ACAP3: variants seen among roughly 807,000 people sequenced by gnomAD.
ACAP3 encodes the protein arf-GAP with coiled-coil, ANK repeat and PH domain-containing protein 3.
ACAP3 carries 56 observed loss-of-function variants against 104.1 expected under a neutral mutation model. That is an observed-to-expected ratio of 0.54 (90% CI 0.43 to 0.67). The LOEUF (loss-of-function observed/expected upper bound fraction) is 0.67. ACAP3 is among the 30% of genes least tolerant of loss of function. The pLI is 0.00. For synonymous variants in ACAP3, 628 were observed against 496.2 expected, an observed-to-expected ratio of 1.27 and a Z score of -3.53; for missense variants, 1,208 against 1,174.9, an observed-to-expected ratio of 1.03 and a Z score of -0.41.
At chr1:1,296,955 C>T (rs1252981929) in intron 14 of ACAP3, among the ~76,000 whole-genome samples, 1 of 152,242 alleles carries the variant, frequency 6.6e-6, no homozygotes, top group Non-Finnish European at 1.5e-5. Context: ...ACGTGCACAC[C>T]CTCACATGGG....
In ACAP3 at chr1:1,295,877, G is replaced by A; in HGVS notation, c.1564C>T (p.Pro522Ser). 1.2e-6 allele frequency: 2 copies of A among 1,611,942 alleles called. No homozygotes were observed. Among genetic ancestry groups the A allele is most frequent in the East Asian group, 2.2e-5 (1 of 44,886 alleles). The change falls in exon 18 of 24, where the codon CCC becomes TCC. Residue 522 changes from proline (P) to serine (S), a missense_variant. Physicochemically the swap from Pro to Ser is moderately conservative, Grantham distance 74. Coordinates refer to ENST00000354700, the MANE Select transcript of ACAP3 (RefSeq NM_030649.3). ...YVEKKFLRKAPMAPALEAPRR... is the reference protein window; with the variant it reads ...YVEKKFLRKASMAPALEAPRR... ...GGGGCCTCCAGGGCTGGTGCCATGGGCGCCTTCCGCAGAAACTTCTTTTCC... is the reference window on the plus strand; with the variant it reads ...GGGGCCTCCAGGGCTGGTGCCATGGACGCCTTCCGCAGAAACTTCTTTTCC...
intron 14 of ACAP3, among the ~76,000 whole-genome samples, 198 bp from the exon 15 acceptor site, chr1:1,296,831 G>A (rs1018093365): frequency 2.9e-4 from 42 of 143,086 alleles, no homozygotes; most frequent in African/African-American, 1.0e-3. Flanking sequence ...ACGCACACAC[G>A]CGCACACCCT....
rs1281188809 is a variant in ACAP3 at position 1,294,129 on chromosome 1, C to T, written c.2210G>A (p.Arg737Gln). The T allele has an allele frequency of 1.9e-6, 3 of 1,591,310 alleles. No individual in the cohort carries two copies. Among genetic ancestry groups the T allele is most frequent in the Admixed American group, 1.7e-5 (1 of 57,358 alleles). ...ADVNQRDSRG[R>Q]APLHHATLLG... is the part of the protein sequence containing the mutation. Reference sequence around the variant, plus strand: ...CAGCGTGGCGTGGTGCAGGGGCGCCCGGCCCCGGCTGTCTCTTTGGTTCAC... The same window carrying T: ...CAGCGTGGCGTGGTGCAGGGGCGCCTGGCCCCGGCTGTCTCTTTGGTTCAC... Residue 737 changes from arginine to glutamine, a missense_variant, in exon 22 of 24, where the codon CGG (arginine) becomes CAG (glutamine). Physicochemically the swap from Arg to Gln is conservative, Grantham distance 43 (BLOSUM62 1). Coordinates refer to ENST00000354700, the MANE Select transcript of ACAP3 (RefSeq NM_030649.3).
Position 1,296,341 on chromosome 1 carries a change from C to A in ACAP3, c.1338-61G>T, listed in dbSNP as rs1641150119. Reference sequence around the variant, plus strand: ...CAAGGCCCCCAGCTCCGGCCCAACCCCCACCCCCGGCCTGGCCCTCAGGGG... The same window carrying A: ...CAAGGCCCCCAGCTCCGGCCCAACCACCACCCCCGGCCTGGCCCTCAGGGG... On this transcript the variant is annotated intron_variant, in intron 15 of 23. Coordinates refer to ENST00000354700, the MANE Select transcript of ACAP3 (RefSeq NM_030649.3). The A allele has an allele frequency of 1.9e-6, 3 of 1,548,862 alleles. No homozygotes were observed. The South Asian group carries it at 3.6e-5, about 18-fold the overall frequency.
chr1:1,299,403 GACGGCTGCCA>G, intron 9 of ACAP3, 47 bp from the exon 10 acceptor site: 1 of 1,497,896 alleles, frequency 6.7e-7, no homozygotes, highest in South Asian at 1.3e-5. Flanking sequence ...GCCAGTGAGT[GACGGCTGCCA>G]ACTCCTGGTG....
In ACAP3 at chr1:1,294,204, G is replaced by A. The variant is rs1284369457; in HGVS notation, c.2140-5C>T. The A allele has an allele frequency of 2.5e-6, 4 of 1,578,298 alleles. No individual in the cohort carries two copies. Among genetic ancestry groups the A allele is most frequent in the South Asian group, 2.3e-5 (2 of 87,044 alleles). ...CTCACAGACGATCAAGGAGCCCTGG[G>A]GAGCCGGGGCAACTCAGACGGAGCC... is the stretch of plus-strand genomic sequence containing the variant. On this transcript the variant is annotated splice_polypyrimidine_tract_variant and splice_region_variant and intron_variant, in intron 21 of 23. Coordinates refer to ENST00000354700, the MANE Select transcript of ACAP3 (RefSeq NM_030649.3).
In ACAP3 at chr1:1,303,211, C is replaced by T; in HGVS notation, c.176G>A (p.Ser59Asn). 6.2e-7 allele frequency: 1 copy of T among 1,607,564 alleles called. No individual in the cohort carries two copies. The highest frequency in any genetic ancestry group is 8.5e-7 in the Non-Finnish European group (1 of 1,177,876). Residue 59 changes from serine (S) to asparagine (N), a missense_variant, in exon 3 of 24, where the codon AGC becomes AAC. Physicochemically the swap from Ser to Asn is conservative, Grantham distance 46. Transcript: ENST00000354700. This position sits in a 1 kb window ranked among gnomAD's most constrained non-coding sequence, Gnocchi z 4.0. ...CTGCTGGGACAGGTCGCGGACGCCG[C>T]TCACGAAAAGCCTGCTGGTGCTGAC... ...AYVSTSRLFV[S>N]GVRDLSQQCQ...
chr1:1,306,816 T>C (rs954873948), intron 1 of ACAP3, among the ~76,000 whole-genome samples: 8 of 152,192 alleles, frequency 5.3e-5, no homozygotes, highest in African/African-American at 4.8e-5. Flanking sequence ...GGAACACGCG[T>C]GTACAAGGTG....
Position 1,303,801 on chromosome 1 carries a change from T to A in ACAP3, c.105+285A>T. The A allele has an allele frequency of 7.7e-6, 4 of 519,920 alleles. No homozygotes were observed. The highest frequency in any genetic ancestry group is 3.4e-5 in the Admixed American group (1 of 29,254). 32.2% of individuals were successfully genotyped at this position (519,920 alleles called of 1,614,324 possible). A position where few individuals can be genotyped will look rare whatever the true frequency, so the allele number is the denominator to read the frequency against. On this transcript the variant is annotated intron_variant, in intron 2 of 23. Transcript: ENST00000354700. The surrounding 1 kb of genome is among the most constrained non-coding windows in gnomAD (Gnocchi z 4.0). ...TCAGCCCACACAGCAGCTGTCCCCGTGTCACCAGCCCAGCAGAGGGGACGG... is the reference window on the plus strand; with the variant it reads ...TCAGCCCACACAGCAGCTGTCCCCGAGTCACCAGCCCAGCAGAGGGGACGG...
chr1:1,298,000 T>A lies in ACAP3; in HGVS notation c.1016+13A>T. The stretch of plus-strand genomic sequence containing the variant: ...GTACGCCCCCCGCCCCACCCTGGGC[T>A]GGGCCTCCTCACTTGGTGGGTGACA... On this transcript the variant is annotated intron_variant, in intron 13 of 23. Coordinates refer to ENST00000354700, the MANE Select transcript of ACAP3 (RefSeq NM_030649.3). 6.2e-7 allele frequency: 1 copy of A among 1,611,620 alleles called. No individual in the cohort carries two copies. The highest frequency in any genetic ancestry group is 8.5e-7 in the Non-Finnish European group (1 of 1,179,438).
At position 1,294,835 on chromosome 1, in the gene ACAP3, G is replaced by A. The variant is rs1431031813; in HGVS notation, c.1814-19C>T. 2.6e-6 allele frequency: 4 copies of A among 1,548,812 alleles called. No homozygotes were observed. The highest frequency in any genetic ancestry group is 2.4e-5 in the East Asian group (1 of 40,928). On this transcript the variant is annotated intron_variant, in intron 19 of 23. Transcript: ENST00000354700. ...CTCAGACCTGCAGGTCCGCAGGGAA[G>A]GGGGTCCTGAGGGTGGGAGGCCCAG...
rs1002600616 is a variant in ACAP3, at chr1:1,293,688, G to A, written c.2381C>T (p.Ala794Val). 15 of 1,457,628 alleles carry A rather than the reference G, an allele frequency of 1.0e-5. No individual in the cohort carries two copies. Among genetic ancestry groups the A allele is most frequent in the African/African-American group, 1.5e-5 (1 of 65,982 alleles). 90.3% of individuals were successfully genotyped at this position (1,457,628 alleles called of 1,614,324 possible). A position where few individuals can be genotyped will look rare whatever the true frequency, so the allele number is the denominator to read the frequency against. ...AGCCTCGGCCTCGCGCATTTCCTCC[G>A]CCATGCGCGCCAGACGGAGCCTACG... is the stretch of plus-strand genomic sequence containing the variant. Reference protein sequence around the residue: ...IVTLLRLARMAEEMREAEAAP... With the variant: ...IVTLLRLARMVEEMREAEAAP... The change falls in exon 24 of 24, where the codon GCG (alanine) becomes GTG (valine). Residue 794 changes from alanine to valine, a missense_variant. By Grantham distance (64) the Ala-to-Val change is moderately conservative (BLOSUM62 0). Transcript: ENST00000354700.
At chr1:1,294,875 C>T (rs1337613382) in intron 19 of ACAP3, 59 bp from the exon 20 acceptor site, 5 of 1,521,534 alleles carry the variant, frequency 3.3e-6, no homozygotes, top group African/African-American at 2.8e-5. Flanking sequence ...CGTCCAGAGC[C>T]CTGGGGCAAG....
At chr1:1,302,828 GC>G (rs1004909579) in intron 4 of ACAP3, 93 bp downstream of exon 4, 107 of 815,468 alleles carry the variant, frequency 1.3e-4, no homozygotes, top group East Asian at 2.0e-4. Context: ...GCAGAAACGT[GC>G]CCCCCCCAAC....
Position 1,299,893 on chromosome 1 carries a change from C to T in ACAP3, c.676G>A (p.Val226Met), listed in dbSNP as rs1302888446. Residue 226 changes from valine (V) to methionine (M), a missense_variant, in exon 9 of 24, where the codon GTG becomes ATG. Val to Met is a conservative substitution (Grantham distance 21). Transcript: ENST00000354700. ...CGCTTTTCCACCGCAGAGTCGATCA[C>T]CAGCTGGTCCAGCTGTTGGGGGTGG... ...KKLAAELDQL[V>M]IDSAVEKREM... The T allele has an allele frequency of 6.3e-7, 1 of 1,580,006 alleles. No homozygotes were observed. Among genetic ancestry groups the T allele is most frequent in the Non-Finnish European group, 8.6e-7 (1 of 1,158,376 alleles).
intron 2 of ACAP3, 80 bp downstream of exon 2, chr1:1,304,006 G>A (rs77667683): frequency 6.6e-7 from 1 of 1,523,164 alleles, no homozygotes. Flanking sequence ...AAGTGGCTTA[G>A]TAAGGCCTGG....
At position 1,293,457 on chromosome 1, in the gene ACAP3, T is replaced by C; in HGVS notation, c.*107A>G. 1 of 1,173,338 alleles carries C rather than the reference T, an allele frequency of 8.5e-7. No homozygotes were observed. Among genetic ancestry groups the C allele is most frequent in the Non-Finnish European group, 1.1e-6 (1 of 924,166 alleles). The allele number at this position is 1,173,338 out of a possible 1,614,324, so 72.7% of individuals were successfully genotyped here. A position where few individuals can be genotyped will look rare whatever the true frequency, so the allele number is the denominator to read the frequency against. ...GCCCCAGCACTGGGGCTGCCAGGTA[T>C]CGACCCGCGGGTCACACGCAGGGCC... is the stretch of plus-strand genomic sequence containing the variant. On this transcript the variant is annotated 3_prime_UTR_variant, in exon 24 of 24. Transcript: ENST00000354700.
At chr1:1,295,173 C>T (rs1008246858) in intron 19 of ACAP3, among the ~76,000 whole-genome samples, 17 of 152,244 alleles carry the variant, frequency 1.1e-4, no homozygotes, top group African/African-American at 4.1e-4. Flanking sequence ...CAGAAGGGCC[C>T]TAGGCTGAGG....
intron 2 of ACAP3, 43 bp downstream of exon 2, chr1:1,304,043 C>G: frequency 6.5e-7 from 1 of 1,549,808 alleles, no homozygotes; most frequent in Non-Finnish European, 8.7e-7. Context: ...TGTGGCCATC[C>G]CAAGCTTGGC....
Sources: allele counts gnomAD v4.1 joint callset (sites outside exome capture counted in the v4.1 genomes callset), GRCh38; gene constraint gnomAD v4.1.1; non-coding constraint Gnocchi (gnomAD v3.1); transcripts MANE v1.5; gene names NCBI Gene and HGNC (gene_info 2026-07-23, HGNC 2026-07-21).